The following GALNT13 variants were observed in gnomAD, a reference collection of about 807,000 sequenced individuals.
The protein encoded by GALNT13 is polypeptide N-acetylgalactosaminyltransferase 13, also known as UDP-GalNAc:polypeptide N-acetylgalactosaminyltransferase 13.
In GALNT13, 28 loss-of-function variants were observed where a neutral mutation model predicts 64.2. That is an observed-to-expected ratio of 0.44 (90% CI 0.32 to 0.60). The LOEUF is 0.60. Ranked by LOEUF, GALNT13 falls within the 20% of genes least tolerant of loss-of-function variation. GALNT13 has a pLI of 0.05. For missense variants in GALNT13, 577 were observed against 669.8 expected (o/e 0.86, Z 1.53); for synonymous variants, 214 against 224.6 (o/e 0.95, Z 0.42).
chr2:153,835,047 G>C, the GALNT13 span, among the ~76,000 whole-genome samples: 2 of 152,044 alleles, frequency 1.3e-5, no homozygotes, highest in Non-Finnish European at 2.9e-5. Context: ...AATTAAGTCT[G>C]TGAAAAAGAA....
chr2:153,635,412 A>G, the GALNT13 span, among the ~76,000 whole-genome samples: 1 of 147,254 alleles, frequency 6.8e-6, no homozygotes, highest in Admixed American at 6.8e-5. Context: ...ATATATATAT[A>G]TATACACATA....
the GALNT13 span, among the ~76,000 whole-genome samples, chr2:153,465,807 A>G: frequency 4.6e-5 from 7 of 152,030 alleles, no homozygotes; most frequent in East Asian, 1.4e-3. Context: ...TATGATATAT[A>G]TGGCAAAGGT....
chr2:153,873,601 G>A (rs1394255313), intron 1 of GALNT13, among the ~76,000 whole-genome samples: 1 of 152,194 alleles, frequency 6.6e-6, no homozygotes, highest in Non-Finnish European at 1.5e-5. Context: ...GGGGACTGAG[G>A]TATGCCTGCC....
intron 4 of GALNT13, among the ~76,000 whole-genome samples, chr2:154,173,531 C>T (rs960886610): frequency 5.9e-5 from 9 of 151,528 alleles, no homozygotes; most frequent in Non-Finnish European, 8.9e-5. Context: ...GCTCGAGTAA[C>T]CAAAGAAAAA....
intron 4 of GALNT13, among the ~76,000 whole-genome samples, chr2:154,235,258 T>A (rs974741166): frequency 6.6e-6 from 1 of 152,164 alleles, no homozygotes; most frequent in African/African-American, 2.4e-5. Context: ...TTGGAGCAGA[T>A]GAATACCAAT....
At chr2:153,342,900 T>G in the GALNT13 span, among the ~76,000 whole-genome samples, 2 of 152,210 alleles carry the variant, frequency 1.3e-5, no homozygotes, top group Non-Finnish European at 2.9e-5. Flanking sequence ...ACATGATTTC[T>G]TGGTAATTTG....
chr2:153,577,746 G>C, the GALNT13 span, among the ~76,000 whole-genome samples: 1 of 151,580 alleles, frequency 6.6e-6, no homozygotes, highest in African/African-American at 2.4e-5. Context: ...AAAACACCGT[G>C]TTCCTGTGAT....
chr2:154,036,172 A>G (rs1698649886), intron 3 of GALNT13, among the ~76,000 whole-genome samples: 1 of 152,116 alleles, frequency 6.6e-6, no homozygotes, highest in Non-Finnish European at 1.5e-5. Flanking sequence ...GTTAAGAAAT[A>G]CTGTTATAGC....
intron 3 of GALNT13, among the ~76,000 whole-genome samples, chr2:153,978,960 T>C (rs1431974230): frequency 6.6e-6 from 1 of 151,866 alleles, no homozygotes; most frequent in Non-Finnish European, 1.5e-5. Flanking sequence ...AAATAAACAA[T>C]AAGGAAAGAT....
chr2:153,238,123 T>C, the GALNT13 span, among the ~76,000 whole-genome samples: 25 of 152,252 alleles, frequency 1.6e-4, no homozygotes, highest in Admixed American at 8.5e-4. Context: ...GTTTGCCATT[T>C]GCATGTCTTC....
the GALNT13 span, among the ~76,000 whole-genome samples, chr2:153,099,652 AGGTG>A: frequency 6.6e-6 from 1 of 152,212 alleles, no homozygotes; most frequent in South Asian, 2.1e-4. Flanking sequence ...GGTAAATTAT[AGGTG>A]TAACTCTATT....
the GALNT13 span, among the ~76,000 whole-genome samples, chr2:153,222,485 T>C: frequency 7.2e-5 from 11 of 152,204 alleles, no homozygotes; most frequent in East Asian, 1.9e-3. Flanking sequence ...GCCCCCAGGC[T>C]TCAGGCCATC....
chr2:154,126,048 G>A (rs1250456334), intron 3 of GALNT13, among the ~76,000 whole-genome samples: 1 of 152,134 alleles, frequency 6.6e-6, no homozygotes, highest in Non-Finnish European at 1.5e-5. Flanking sequence ...CAAAACAATA[G>A]TAAGTTGCTA....
chr2:153,994,945 T>C (rs1695420183), intron 3 of GALNT13, among the ~76,000 whole-genome samples: 1 of 152,058 alleles, frequency 6.6e-6, no homozygotes, highest in South Asian at 2.1e-4. Context: ...ACTAAACTAT[T>C]TTAGAGTTGA....
the GALNT13 span, among the ~76,000 whole-genome samples, chr2:153,330,304 T>C: frequency 1.3e-5 from 2 of 152,236 alleles, no homozygotes; most frequent in South Asian, 4.1e-4. Context: ...CTTTTTCTAG[T>C]TCTGTGAAAA....
intron 3 of GALNT13, among the ~76,000 whole-genome samples, chr2:154,139,126 G>A (rs1683116119): frequency 1.3e-5 from 2 of 151,598 alleles, no homozygotes; most frequent in Admixed American, 1.3e-4. Flanking sequence ...CTCTTATATG[G>A]TTTGACTCAT....
chr2:154,126,361 C>T (rs1354027721), intron 3 of GALNT13, among the ~76,000 whole-genome samples: 2 of 151,968 alleles, frequency 1.3e-5, no homozygotes, highest in Non-Finnish European at 2.9e-5. Flanking sequence ...ATGGGCCAGG[C>T]GCGGTTGCTC....
the GALNT13 span, among the ~76,000 whole-genome samples, chr2:153,210,991 T>G: frequency 1.3e-5 from 2 of 152,146 alleles, no homozygotes; most frequent in Non-Finnish European, 2.9e-5. Flanking sequence ...TAGTTTTATA[T>G]AGAGCATCTC....
chr2:154,379,191 A>T (rs927191154), intron 9 of GALNT13, among the ~76,000 whole-genome samples: 24 of 152,126 alleles, frequency 1.6e-4, no homozygotes, highest in African/African-American at 5.6e-4. Context: ...TAAAATGGTT[A>T]AAAATTTTGT....
Sources: allele counts gnomAD v4.1 joint callset (sites outside exome capture counted in the v4.1 genomes callset), GRCh38; gene constraint gnomAD v4.1.1; transcripts MANE v1.5; gene names NCBI Gene and HGNC (gene_info 2026-07-23, HGNC 2026-07-21).